Variants in SMC1A observed in about 807,000 individuals in gnomAD.
SMC1A encodes the protein structural maintenance of chromosomes 1A.
SMC1A carries 4 observed loss-of-function variants against 94.5 expected under a neutral mutation model. That is an observed-to-expected ratio of 0.04 (90% CI 0.02 to 0.10). SMC1A has a LOEUF of 0.10. Ranked by LOEUF, SMC1A falls within the 10% of genes least tolerant of loss-of-function variation. The probability of loss-of-function intolerance (pLI) is 1.00; values close to 1 mark genes in which losing one functional copy is unlikely to be tolerated. For missense variants in SMC1A, 304 were observed against 989.0 expected (o/e 0.31, Z 9.29); for synonymous variants, 345 against 347.7 (o/e 0.99, Z 0.09).
At chrX:53,391,204 A>C (rs2146589897) in intron 19 of SMC1A, among the ~76,000 whole-genome samples, 1 of 109,130 alleles carries the variant, frequency 9.2e-6, no homozygotes, top group South Asian at 4.0e-4. Context: ...AATCCCAGCT[A>C]CTCAGGACGC....
intron 19 of SMC1A, among the ~76,000 whole-genome samples, chrX:53,391,827 C>T (rs990106197): frequency 2.7e-5 from 3 of 111,280 alleles, no homozygotes; most frequent in Non-Finnish European, 5.7e-5. Flanking sequence ...GGGTCTTGAA[C>T]TATTGACATT....
chrX:53,386,451 T>G (rs2146585685), intron 19 of SMC1A, among the ~76,000 whole-genome samples: 1 of 112,473 alleles, frequency 8.9e-6, no homozygotes, highest in East Asian at 2.8e-4. Flanking sequence ...TTATGAAACC[T>G]AATTATTCAT....
intron 7 of SMC1A, 57 bp from the exon 8 acceptor site, chrX:53,409,560 G>T: frequency 1.0e-6 from 1 of 969,086 alleles, no homozygotes; most frequent in Non-Finnish European, 1.5e-6. Context: ...AAGACCATGG[G>T]GGCTCTAGAT....
intron 9 of SMC1A, among the ~76,000 whole-genome samples, chrX:53,407,642 G>A: frequency 9.0e-6 from 1 of 111,224 alleles, no homozygotes; most frequent in Middle Eastern, 4.6e-3. Context: ...CTGAAGTCTT[G>A]GACTGAGCCC....
intron 22 of SMC1A, chrX:53,381,998 G>A (rs1196629225): frequency 9.0e-6 from 4 of 442,010 alleles, no homozygotes; most frequent in Non-Finnish European, 1.6e-5. Context: ...CCTGGAGGCG[G>A]AACTAAATAC....
chrX:53,408,818 C>T (rs2075700288), intron 9 of SMC1A, among the ~76,000 whole-genome samples: 3 of 90,230 alleles, frequency 3.3e-5, no homozygotes, highest in Non-Finnish European at 2.1e-5. Flanking sequence ...AACATGATTG[C>T]CTAGTATGAC....
At chrX:53,410,762 T>C (rs1377087168) in intron 7 of SMC1A, among the ~76,000 whole-genome samples, 3 of 104,565 alleles carry the variant, frequency 2.9e-5, no homozygotes, top group South Asian at 4.3e-4. Flanking sequence ...GATGGCACCA[T>C]TGCACTCCAG....
At chrX:53,389,639 A>T (rs2075619322) in intron 19 of SMC1A, among the ~76,000 whole-genome samples, 1 of 109,890 alleles carries the variant, frequency 9.1e-6, no homozygotes, top group Admixed American at 9.7e-5. Context: ...CTGAGGCAGG[A>T]GAATCGCTTG....
intron 15 of SMC1A, among the ~76,000 whole-genome samples, chrX:53,401,401 A>T (rs1163531124): frequency 8.9e-6 from 1 of 112,458 alleles, no homozygotes; most frequent in East Asian, 2.8e-4. Context: ...TTAAAAATGC[A>T]TATCCTTGTA....
rs1556885252 is a variant in SMC1A, at chrX:53,376,402, T to G, written c.*3701A>C. On this transcript the variant is annotated 3_prime_UTR_variant, in exon 25 of 25. Transcript: ENST00000322213. ...CTTCACCCCAGACTTAATGAATGTT[T>G]TAGGGGCCGGGGCCCAGAATGCCGT... 1 of 111,643 alleles carries G rather than the reference T, an allele frequency of 9.0e-6. No homozygotes were observed. The highest frequency in any genetic ancestry group is 1.9e-5 in the Non-Finnish European group (1 of 53,100). 9.2% of individuals were successfully genotyped at this position (111,643 alleles called of 1,213,427 possible). A position where few individuals can be genotyped will look rare whatever the true frequency, so the allele number is the denominator to read the frequency against.
intron 20 of SMC1A, 59 bp downstream of exon 20, chrX:53,383,038 G>A (rs976168317): frequency 3.8e-5 from 42 of 1,094,471 alleles, no homozygotes; most frequent in Middle Eastern, 5.3e-4. Context: ...TAGCAGGCCC[G>A]TGGCATACCC....
At chrX:53,402,700 T>C (rs1556889091) in intron 15 of SMC1A, among the ~76,000 whole-genome samples, 12 of 100,172 alleles carry the variant, frequency 1.2e-4, no homozygotes. Context: ...CCATCTCTAC[T>C]AATAAGAAAA....
rs782111343 is a variant in SMC1A at position 53,412,072 on chromosome X, C to A, written c.1036G>T (p.Ala346Ser). 2.5e-6 allele frequency: 3 copies of A among 1,211,228 alleles called. No individual in the cohort carries two copies. Among genetic ancestry groups the A allele is most frequent in the Non-Finnish European group, 3.4e-6 (3 of 895,062 alleles). The part of the protein sequence containing the change: ...LEKEMLSVEK[A>S]RQEFEERMEE... ...ATCCGTTCTTCAAACTCCTGCCGAG[C>A]CTTCTCCACTGACAGCATCTCCTTC... Residue 346 changes from alanine (A) to serine (S), a missense_variant, in exon 6 of 25, where the codon GCT becomes TCT. By Grantham distance (99) the Ala-to-Ser change is moderately conservative. This residue lies in a region of SMC1A where 120 missense variants were observed against 314.9 expected (regional missense o/e 0.38). Transcript: ENST00000322213.
chrX:53,383,285 G>C, intron 19 of SMC1A, 32 bp from the exon 20 acceptor site: 1 of 1,159,789 alleles, frequency 8.6e-7, no homozygotes, highest in Non-Finnish European at 1.2e-6. Flanking sequence ...ATGTCAAGAA[G>C]GGCCTGGCCC....
At chrX:53,422,169 G>A in intron 1 of SMC1A, 1 of 730,974 alleles carries the variant, frequency 1.4e-6, no homozygotes, top group East Asian at 3.4e-5. Context: ...GCCGCGCGGC[G>A]GAGGACTGAG....
At position 53,415,621 on chromosome X, in the gene SMC1A, C is replaced by T. The variant is rs180968540; in HGVS notation, c.110-452G>A. On this transcript the variant is annotated intron_variant, in intron 1 of 24. Transcript: ENST00000322213. ...GGCGGAGGTTGCAGTGAGCCGAGAT[C>T]GTGCCACTGCACTCTAGCCTGGGCG... is the stretch of plus-strand genomic sequence containing the variant. 2.0e-4 allele frequency among the ~76,000 whole-genome samples: 21 copies of T among 104,777 alleles called. No homozygotes were observed. The East Asian group carries it at 5.5e-3, about 27-fold the overall frequency. The allele number at this position is 104,777 out of a possible 115,157, so 91.0% of individuals were successfully genotyped here. A position where few individuals can be genotyped will look rare whatever the true frequency, so the allele number is the denominator to read the frequency against.
chrX:53,403,421 T>C, intron 15 of SMC1A, 145 bp downstream of exon 15: 1 of 533,415 alleles, frequency 1.9e-6, no homozygotes, highest in East Asian at 3.6e-5. Context: ...ACTGCCCTCC[T>C]GATTTCTGTT....
intron 19 of SMC1A, among the ~76,000 whole-genome samples, chrX:53,394,396 G>GGAT (rs1318514027): frequency 9.1e-6 from 1 of 110,022 alleles, no homozygotes; most frequent in Non-Finnish European, 1.9e-5. Flanking sequence ...GTGATATCCA[G>GGAT]GATGAAAGAA....
chrX:53,376,085 C>T lies in SMC1A; in HGVS notation c.*4018G>A, dbSNP rs1192624071. 8.9e-6 allele frequency: 1 copy of T among 112,722 alleles called. No individual in the cohort carries two copies. Among genetic ancestry groups the T allele is most frequent in the African/African-American group, 3.2e-5 (1 of 30,928 alleles). 9.3% of individuals were successfully genotyped at this position (112,722 alleles called of 1,213,427 possible). ...GGTAAGCAAAATATCCCCAGGCCCA[C>T]CCTTGTGGTGCCTAAAGCTTATTCA... On this transcript the variant is annotated 3_prime_UTR_variant, in exon 25 of 25. Coordinates refer to ENST00000322213, the MANE Select transcript of SMC1A (RefSeq NM_006306.4).
Sources: gnomAD v4.1 joint callset for allele counts (sites outside exome capture counted in the v4.1 genomes callset) on GRCh38, gnomAD v4.1.1 for gene constraint, gnomAD v4.1.1 regional missense constraint, MANE v1.5 for transcripts, NCBI Gene and HGNC (gene_info 2026-07-23, HGNC 2026-07-21) for gene names.